The following CBX8 variants were observed in gnomAD, a reference collection of about 807,000 sequenced individuals.
CBX8 encodes chromobox 8, also known as chromobox protein homolog 8.
In CBX8, 8 loss-of-function variants were observed where a neutral mutation model predicts 39.7. The ratio of observed to expected loss-of-function variants is 0.20; its 90% CI spans 0.12 to 0.36. CBX8 has a LOEUF of 0.36. Among genes scored for constraint, CBX8 ranks in the 10% least tolerant of loss-of-function variants. CBX8 has a pLI of 1.00. For synonymous variants in CBX8, 268 were observed against 219.8 expected (o/e 1.22, Z -1.94); for missense variants, 505 against 529.6 (o/e 0.95, Z 0.46).
At chr17:79,796,856 C>A in intron 1 of CBX8, 74 bp downstream of exon 1, 3 of 1,397,648 alleles carry the variant, frequency 2.1e-6, no homozygotes, top group Non-Finnish European at 2.9e-6. Context: ...AGCTGGGCTG[C>A]AGCAGGGGGA....
At position 79,794,703 on chromosome 17, in the gene CBX8, A is replaced by C. The variant is rs917101305; in HGVS notation, c.1102T>G (p.Ser368Ala). Residue 368 changes from serine (S) to alanine (A), a missense_variant, in exon 5 of 5, where the codon TCA (serine) becomes GCA (alanine). Physicochemically the swap from Ser to Ala is moderately conservative, Grantham distance 99. This residue lies in a region of CBX8 where 17 missense variants were observed against 39.0 expected (regional missense o/e 0.44). Transcript: ENST00000269385. ...TTAATGGTGACGGTCAAAAAGTTTG[A>C]GGTCACGTCCGTGACCACCACCTTC... ...LEKVVVTDVT[S>A]NFLTVTIKES... 4 of 1,598,380 alleles carry C rather than the reference A, an allele frequency of 2.5e-6. No individual in the cohort carries two copies. The African/African-American group carries it at 4.1e-5, about 16-fold the overall frequency.
In CBX8 at chr17:79,796,555, G is replaced by A. The variant is rs369661069; in HGVS notation, c.70-15C>T. The A allele has an allele frequency of 8.1e-6, 13 of 1,613,982 alleles. No homozygotes were observed. Among genetic ancestry groups the A allele is most frequent in the Non-Finnish European group, 1.0e-5 (12 of 1,179,988 alleles). ...TCCATGCGTCCCTGCGGGTGCAAAG[G>A]CGATAATGTGTGTGCATGGGGAGAA... On this transcript the variant is annotated splice_polypyrimidine_tract_variant and intron_variant, in intron 1 of 4. Coordinates refer to ENST00000269385, the MANE Select transcript of CBX8 (RefSeq NM_020649.3).
Position 79,794,565 on chromosome 17 carries a change from T to TA in CBX8, c.*69dup. ...CAAAAGGCCACATCCCACCCAGAAA[T>TA]AAAAATCACTATGCCAAGCTCACGC... is the stretch of plus-strand genomic sequence containing the variant. On this transcript the variant is annotated 3_prime_UTR_variant, in exon 5 of 5. Transcript: ENST00000269385. The TA allele has an allele frequency of 7.9e-7, 1 of 1,269,468 alleles. No individual in the cohort carries two copies. Among genetic ancestry groups the TA allele is most frequent in the African/African-American group, 1.5e-5 (1 of 66,834 alleles). The allele number at this position is 1,269,468 out of a possible 1,614,324, so 78.6% of individuals were successfully genotyped here. A position where few individuals can be genotyped will look rare whatever the true frequency, so the allele number is the denominator to read the frequency against.
chr17:79,795,609 C>T lies in CBX8; in HGVS notation c.247-51G>A, dbSNP rs762550661. The T allele has an allele frequency of 6.0e-5, 83 of 1,392,662 alleles. No individual in the cohort carries two copies. Among genetic ancestry groups the T allele is most frequent in the Middle Eastern group, 2.3e-4 (1 of 4,316 alleles). 86.3% of individuals were successfully genotyped at this position (1,392,662 alleles called of 1,614,324 possible). On this transcript the variant is annotated intron_variant, in intron 4 of 4. Transcript: ENST00000269385. The surrounding 1 kb of genome is among the most constrained non-coding windows in gnomAD (Gnocchi z 5.8). ...AGTGGGGCAGGGCCCTGTCCACCCCCACAGGACTCCTCCTCTATCCCTGAC... is the reference window on the plus strand; with the variant it reads ...AGTGGGGCAGGGCCCTGTCCACCCCTACAGGACTCCTCCTCTATCCCTGAC...
In CBX8 at chr17:79,796,791, T is replaced by TGCCGCCGCC. The variant is rs897399746; in HGVS notation, c.69+130_69+138dup. On this transcript the variant is annotated intron_variant, in intron 1 of 4. Coordinates refer to ENST00000269385, the MANE Select transcript of CBX8 (RefSeq NM_020649.3). ...TAAGGAAAGCGCCTGGGCTCAGAGCTGCCGCCGCCGCCGCCGCCACGGCCG... is the reference window on the plus strand; with the variant it reads ...TAAGGAAAGCGCCTGGGCTCAGAGCTGCCGCCGCCGCCGCCGCCGCCGCCGCCACGGCCG... 31 of 658,110 alleles carry TGCCGCCGCC rather than the reference T, an allele frequency of 4.7e-5. 1 individual carries two copies. Among genetic ancestry groups the TGCCGCCGCC allele is most frequent in the South Asian group, 4.1e-4 (22 of 53,688 alleles). The allele number at this position is 658,110 out of a possible 1,614,324, so 40.8% of individuals were successfully genotyped here.
Position 79,797,008 on chromosome 17 carries a change from C to G in CBX8, c.-10G>C. On this transcript the variant is annotated 5_prime_UTR_variant, in exon 1 of 5. Coordinates refer to ENST00000269385, the MANE Select transcript of CBX8 (RefSeq NM_020649.3). ...CCGCTGAAAGCTCCATGTTGACTCGCCGCTTCCCCCCTTGGCCGCTTCCAG... is the reference window on the plus strand; with the variant it reads ...CCGCTGAAAGCTCCATGTTGACTCGGCGCTTCCCCCCTTGGCCGCTTCCAG... 1 of 1,607,360 alleles carries G rather than the reference C, an allele frequency of 6.2e-7. No homozygotes were observed. The highest frequency in any genetic ancestry group is 8.5e-7 in the Non-Finnish European group (1 of 1,177,636).
rs1598234745 is a variant in CBX8 at position 79,794,526 on chromosome 17, G to C, written c.*109C>G. ...GGCTGGTGGGGTGGGGGTGACATCAGGGACGGGACCAGCCAAAAGGCCACA... is the reference window on the plus strand; with the variant it reads ...GGCTGGTGGGGTGGGGGTGACATCACGGACGGGACCAGCCAAAAGGCCACA... On this transcript the variant is annotated 3_prime_UTR_variant, in exon 5 of 5. Coordinates refer to ENST00000269385, the MANE Select transcript of CBX8 (RefSeq NM_020649.3). 5 of 783,120 alleles carry C rather than the reference G, an allele frequency of 6.4e-6. No individual in the cohort carries two copies. The East Asian group carries it at 1.3e-4, about 21-fold the overall frequency. The allele number at this position is 783,120 out of a possible 1,614,324, so 48.5% of individuals were successfully genotyped here.
At position 79,795,621 on chromosome 17, in the gene CBX8, C is replaced by T. The variant is rs1908056878; in HGVS notation, c.247-63G>A. ...CCCTGTCCACCCCCACAGGACTCCT[C>T]CTCTATCCCTGACCTCCTATCTTTA... On this transcript the variant is annotated intron_variant, in intron 4 of 4. Transcript: ENST00000269385. This position sits in a 1 kb window ranked among gnomAD's most constrained non-coding sequence, Gnocchi z 5.8. The T allele has an allele frequency of 7.7e-7, 1 of 1,298,240 alleles. No individual in the cohort carries two copies. The allele number at this position is 1,298,240 out of a possible 1,614,324, so 80.4% of individuals were successfully genotyped here.
At chr17:79,796,570 C>G (rs771375273) in intron 1 of CBX8, 30 bp from the exon 2 acceptor site, 2 of 1,613,274 alleles carry the variant, frequency 1.2e-6, no homozygotes, top group East Asian at 2.2e-5. Context: ...AATGTGTGTG[C>G]ATGGGGAGAA....
At position 79,794,472 on chromosome 17, in the gene CBX8, A is replaced by T. The variant is rs1234875384; in HGVS notation, c.*163T>A. On this transcript the variant is annotated 3_prime_UTR_variant, in exon 5 of 5. Coordinates refer to ENST00000269385, the MANE Select transcript of CBX8 (RefSeq NM_020649.3). The stretch of plus-strand genomic sequence containing the variant: ...TCTAGAGATAATCTTTCCAACAAAA[A>T]CTGAGGGGGAGGAAGGAGGGATGAA... 1.2e-5 allele frequency: 6 copies of T among 513,458 alleles called. No individual in the cohort carries two copies. Among genetic ancestry groups the T allele is most frequent in the Non-Finnish European group, 2.1e-5 (6 of 287,488 alleles). The allele number at this position is 513,458 out of a possible 1,614,324, so 31.8% of individuals were successfully genotyped here.
rs1360061003 is a variant in CBX8 at position 79,792,223 on chromosome 17, T to C, written c.*2412A>G. ...GAAGATAGGTACCGAAGCTTCACTC[T>C]TGAGCTGAGGCGGAGATCGATTGGA... is the stretch of plus-strand genomic sequence containing the variant. On this transcript the variant is annotated 3_prime_UTR_variant, in exon 5 of 5. Coordinates refer to ENST00000269385, the MANE Select transcript of CBX8 (RefSeq NM_020649.3). The C allele has an allele frequency of 1.3e-5, 2 of 152,388 alleles. No homozygotes were observed. The highest frequency in any genetic ancestry group is 3.9e-4 in the East Asian group (2 of 5,192). 9.4% of individuals were successfully genotyped at this position (152,388 alleles called of 1,614,324 possible).
Position 79,794,575 on chromosome 17 carries a change from T to C in CBX8, c.*60A>G, listed in dbSNP as rs1337931256. ...CATCCCACCCAGAAATAAAAATCAC[T>C]ATGCCAAGCTCACGCTCACTCTCTC... On this transcript the variant is annotated 3_prime_UTR_variant, in exon 5 of 5. Transcript: ENST00000269385. The C allele has an allele frequency of 7.6e-7, 1 of 1,324,198 alleles. No homozygotes were observed. Among genetic ancestry groups the C allele is most frequent in the Admixed American group, 2.5e-5 (1 of 39,834 alleles). 82.0% of individuals were successfully genotyped at this position (1,324,198 alleles called of 1,614,324 possible).
rs767825797 is a variant in CBX8 at position 79,795,194 on chromosome 17, C to T, written c.611G>A (p.Arg204Gln). The change falls in exon 5 of 5, where the codon CGG (arginine) becomes CAG (glutamine). Residue 204 changes from arginine (R) to glutamine (Q), a missense_variant. Arg to Gln is a conservative substitution (Grantham distance 43). This residue lies in a region of CBX8 where 456 missense variants were observed against 389.2 expected (regional missense o/e 1.17). Coordinates refer to ENST00000269385, the MANE Select transcript of CBX8 (RefSeq NM_020649.3). The surrounding 1 kb of genome is among the most constrained non-coding windows in gnomAD (Gnocchi z 5.8). ...CTGTGAGGGGTCCGGGAGCTCCTTC[C>T]GGGGCTTGGGGCCTCGCTTCTTCGA... ...DSSKKRGPKP[R>Q]KELPDPSQRP... The T allele has an allele frequency of 6.8e-6, 11 of 1,613,200 alleles. No homozygotes were observed. Among genetic ancestry groups the T allele is most frequent in the South Asian group, 5.5e-5 (5 of 90,764 alleles).
Position 79,794,603 on chromosome 17 carries a change from C to A in CBX8, c.*32G>T. On this transcript the variant is annotated 3_prime_UTR_variant, in exon 5 of 5. Transcript: ENST00000269385. ...GCCAAGCTCACGCTCACTCTCTCCC[C>A]TGCTCTCCTCCTGGACACACCCACC... The A allele has an allele frequency of 6.8e-7, 1 of 1,480,822 alleles. No individual in the cohort carries two copies. The highest frequency in any genetic ancestry group is 1.3e-5 in the South Asian group (1 of 74,724). 91.7% of individuals were successfully genotyped at this position (1,480,822 alleles called of 1,614,324 possible). A position where few individuals can be genotyped will look rare whatever the true frequency, so the allele number is the denominator to read the frequency against.
chr17:79,795,490 G>A lies in CBX8; in HGVS notation c.315C>T (p.Pro105=). ...RSDSARGIRI[P]YPGRSPQDLA... ...GGTCCTGGGGCGAGCGGCCAGGGTA[G>A]GGGATCCGGATGCCCCTGGCTGAGT... Residue 105 remains proline, a synonymous_variant, in exon 5 of 5, where the codon CCC becomes CCT. Coordinates refer to ENST00000269385, the MANE Select transcript of CBX8 (RefSeq NM_020649.3). The surrounding 1 kb of genome is among the most constrained non-coding windows in gnomAD (Gnocchi z 5.8). The A allele has an allele frequency of 1.3e-6, 2 of 1,574,508 alleles. No individual in the cohort carries two copies. The highest frequency in any genetic ancestry group is 2.3e-5 in the South Asian group (2 of 85,272).
At position 79,793,265 on chromosome 17, in the gene CBX8, A is replaced by C. The variant is rs1467547387; in HGVS notation, c.*1370T>G. 6.6e-6 allele frequency: 1 copy of C among 152,088 alleles called. No individual in the cohort carries two copies. The highest frequency in any genetic ancestry group is 1.5e-5 in the Non-Finnish European group (1 of 68,026). The allele number at this position is 152,088 out of a possible 1,614,324, so 9.4% of individuals were successfully genotyped here. ...TTGGCGGAGTTTGAATGTCGAGTTC[A>C]AATAGAGAACACTGCGAATCGAAAA... On this transcript the variant is annotated 3_prime_UTR_variant, in exon 5 of 5. Coordinates refer to ENST00000269385, the MANE Select transcript of CBX8 (RefSeq NM_020649.3).
Position 79,794,724 on chromosome 17 carries a change from C to T in CBX8, c.1081G>A (p.Val361Met). The change falls in exon 5 of 5, where the codon GTG becomes ATG. Residue 361 changes from valine to methionine, a missense_variant. Physicochemically the swap from Val to Met is conservative, Grantham distance 21. This residue lies in a region of CBX8 where 17 missense variants were observed against 39.0 expected (regional missense o/e 0.44). Transcript: ENST00000269385. Reference protein sequence around the residue: ...WSPSLTNLEKVVVTDVTSNFL... With the variant: ...WSPSLTNLEKMVVTDVTSNFL... ...TTTGAGGTCACGTCCGTGACCACCACCTTCTCCAGGTTAGTCAGGGAGGGG... is the reference window on the plus strand; with the variant it reads ...TTTGAGGTCACGTCCGTGACCACCATCTTCTCCAGGTTAGTCAGGGAGGGG... 6.2e-7 allele frequency: 1 copy of T among 1,612,824 alleles called. No homozygotes were observed. Among genetic ancestry groups the T allele is most frequent in the Non-Finnish European group, 8.5e-7 (1 of 1,179,364 alleles).
Position 79,794,274 on chromosome 17 carries a change from A to G in CBX8, c.*361T>C, listed in dbSNP as rs1167266485. Reference sequence around the variant, plus strand: ...CTCAGAAACCTGTACCCAGGGCCCAACTTCCCTAGAGCTCTGGGGCAAGGG... The same window carrying G: ...CTCAGAAACCTGTACCCAGGGCCCAGCTTCCCTAGAGCTCTGGGGCAAGGG... On this transcript the variant is annotated 3_prime_UTR_variant, in exon 5 of 5. Coordinates refer to ENST00000269385, the MANE Select transcript of CBX8 (RefSeq NM_020649.3). 6.5e-6 allele frequency: 1 copy of G among 154,318 alleles called. No homozygotes were observed. The highest frequency in any genetic ancestry group is 2.4e-5 in the African/African-American group (1 of 41,432). The allele number at this position is 154,318 out of a possible 1,614,324, so 9.6% of individuals were successfully genotyped here.
At position 79,796,330 on chromosome 17, in the gene CBX8, G is replaced by A. The variant is rs751966737; in HGVS notation, c.114-15C>T. The A allele has an allele frequency of 3.1e-6, 5 of 1,613,918 alleles. No individual in the cohort carries two copies. The highest frequency in any genetic ancestry group is 2.2e-5 in the South Asian group (2 of 91,086). On this transcript the variant is annotated splice_polypyrimidine_tract_variant and intron_variant, in intron 2 of 4. Transcript: ENST00000269385. ...ATGTGCTGTACCTAAAGGGAATCAG[G>A]AAGAAGTGGGCATCAGTCCCAGGAG...
Sources: allele counts gnomAD v4.1 joint callset, GRCh38; gene constraint gnomAD v4.1.1; regional missense constraint gnomAD v4.1.1; non-coding constraint Gnocchi (gnomAD v3.1); transcripts MANE v1.5; gene names NCBI Gene and HGNC (gene_info 2026-07-23, HGNC 2026-07-21).